C19orf18: variants seen among roughly 807,000 people sequenced by gnomAD.
C19orf18 encodes the protein uncharacterized protein C19orf18.
A neutral mutation model predicts 23.3 loss-of-function variants in C19orf18; 21 were observed. The observed-to-expected ratio is 0.90, with a 90% CI of 0.64 to 1.30. C19orf18 has a LOEUF of 1.30. Ranked by LOEUF, C19orf18 falls within the 50% of genes most tolerant of loss-of-function variation. The pLI is 0.00. For missense variants in C19orf18, 249 were observed against 259.6 expected (o/e 0.96, Z 0.28); for synonymous variants, 96 against 95.2 (o/e 1.01, Z -0.05).
At position 57,961,283 on chromosome 19, in the gene C19orf18, G is replaced by T. The variant is rs1446088136; in HGVS notation, c.532+108C>A. ...GGAAGGAAGAAAGAAAGAAAGGAAA[G>T]AAAGAAAGAAAAGAAATGCAAGCCA... On this transcript the variant is annotated intron_variant, in intron 5 of 5. Coordinates refer to ENST00000314391, the MANE Select transcript of C19orf18 (RefSeq NM_152474.5). The T allele has an allele frequency of 7.7e-6, 9 of 1,161,412 alleles. No homozygotes were observed. The African/African-American group carries it at 1.2e-4, about 16-fold the overall frequency. 71.9% of individuals were successfully genotyped at this position (1,161,412 alleles called of 1,614,324 possible).
At chr19:57,969,578 A>AAAAAAAAAAAAAAAAAC (rs1323363478) in intron 3 of C19orf18, among the ~76,000 whole-genome samples, 1 of 126,036 alleles carries the variant, frequency 7.9e-6, no homozygotes, top group African/African-American at 2.6e-5. Flanking sequence ...AAAAAAAAAA[A>AAAAAAAAAAAAAAAAAC]AAAAAAAAAA....
intron 4 of C19orf18, among the ~76,000 whole-genome samples, chr19:57,964,127 G>GT (rs1312123319): frequency 6.6e-6 from 1 of 152,076 alleles, no homozygotes; most frequent in Non-Finnish European, 1.5e-5. Context: ...CTATAGCTTA[G>GT]TGCTAATACA....
chr19:57,969,747 A>G (rs868418132), intron 3 of C19orf18, among the ~76,000 whole-genome samples: 2 of 151,744 alleles, frequency 1.3e-5, no homozygotes, highest in Non-Finnish European at 2.9e-5. Context: ...TCTCTGCTAA[A>G]AACACAAAAT....
At chr19:57,973,678 T>G (rs968769600) in intron 2 of C19orf18, among the ~76,000 whole-genome samples, 2 of 149,246 alleles carry the variant, frequency 1.3e-5, no homozygotes, top group African/African-American at 5.0e-5. Context: ...TGAGCCGAGA[T>G]CGCGCCACTG....
chr19:57,971,329 C>T (rs1055949046), intron 3 of C19orf18, among the ~76,000 whole-genome samples: 4 of 151,958 alleles, frequency 2.6e-5, no homozygotes, highest in Non-Finnish European at 5.9e-5. Context: ...CCCTCATGCT[C>T]CAGGCCACCA....
chr19:57,974,366 A>C lies in C19orf18; in HGVS notation c.67T>G (p.Cys23Gly), dbSNP rs568046960. 2 of 1,614,208 alleles carry C rather than the reference A, an allele frequency of 1.2e-6. No homozygotes were observed. The highest frequency in any genetic ancestry group is 4.5e-5 in the East Asian group (2 of 44,884). Residue 23 changes from cysteine (C) to glycine (G), a missense_variant, in exon 1 of 6, where the codon TGC (cysteine) becomes GGC (glycine). Transcript: ENST00000314391. ...LFLMECQLHL[C>G]LPYADGLHPT... The stretch of plus-strand genomic sequence containing the variant: ...TGGAGTCCATCTGCATACGGCAAGC[A>C]TAAATGAAGTTGGCATTCCATTAAA...
chr19:57,958,523 A>C lies in C19orf18; in HGVS notation c.*79T>G, dbSNP rs1226459657. On this transcript the variant is annotated 3_prime_UTR_variant, in exon 6 of 6. Transcript: ENST00000314391. The stretch of plus-strand genomic sequence containing the variant: ...CTCTTCCATAAGGTTCTCTGGGAGC[A>C]AGCCACGCCCACAGGCTCAGTCTCC... The C allele has an allele frequency of 1.1e-5, 10 of 921,314 alleles. No homozygotes were observed. Among genetic ancestry groups the C allele is most frequent in the Middle Eastern group, 2.1e-4 (1 of 4,672 alleles). 57.1% of individuals were successfully genotyped at this position (921,314 alleles called of 1,614,324 possible).
In C19orf18 at chr19:57,961,190, G is replaced by A. The variant is rs552095433; in HGVS notation, c.532+201C>T. 7.9e-5 allele frequency among the ~76,000 whole-genome samples: 12 copies of A among 151,576 alleles called. No individual in the cohort carries two copies. The East Asian group carries it at 1.4e-3, about 17-fold the overall frequency. ...GCGGAGCTTGCAGTGAGCAGAGATC[G>A]CGCCACTGCACTCCAGCCTGGGCTA... On this transcript the variant is annotated intron_variant, in intron 5 of 5. Coordinates refer to ENST00000314391, the MANE Select transcript of C19orf18 (RefSeq NM_152474.5).
intron 4 of C19orf18, among the ~76,000 whole-genome samples, chr19:57,962,425 T>A (rs2072879898): frequency 2.0e-5 from 3 of 152,212 alleles, no homozygotes. Flanking sequence ...TGGGTGTTAC[T>A]GATTTTTCTA....
intron 2 of C19orf18, among the ~76,000 whole-genome samples, chr19:57,972,946 G>A (rs776077651): frequency 2.6e-5 from 4 of 151,688 alleles, no homozygotes; most frequent in Admixed American, 6.6e-5. Context: ...TCAGGAGTTC[G>A]AGACCAGCCT....
chr19:57,970,792 T>A (rs868530158), intron 3 of C19orf18, among the ~76,000 whole-genome samples: 47 of 152,126 alleles, frequency 3.1e-4, no homozygotes, highest in African/African-American at 1.1e-3. Context: ...ACTCCTGACC[T>A]CAGGTGATCT....
intron 2 of C19orf18, among the ~76,000 whole-genome samples, chr19:57,972,922 G>A (rs1266773025): frequency 6.6e-6 from 1 of 151,774 alleles, no homozygotes; most frequent in Non-Finnish European, 1.5e-5. Flanking sequence ...CAGCGAGGAA[G>A]GCAGATCACG....
chr19:57,965,291 C>T (rs927561555), intron 4 of C19orf18, among the ~76,000 whole-genome samples: 6 of 152,068 alleles, frequency 3.9e-5, no homozygotes, highest in African/African-American at 7.2e-5. Context: ...CCCACCACTA[C>T]GCCCAGCTAA....
chr19:57,959,673 T>C (rs1361307219), intron 5 of C19orf18, among the ~76,000 whole-genome samples: 1 of 150,900 alleles, frequency 6.6e-6, no homozygotes, highest in Non-Finnish European at 1.5e-5. Context: ...ACATGCACCG[T>C]AGTCCCAGCA....
At chr19:57,967,459 A>AAC (rs1291925108) in intron 3 of C19orf18, among the ~76,000 whole-genome samples, 1 of 152,172 alleles carries the variant, frequency 6.6e-6, no homozygotes, top group South Asian at 2.1e-4. Context: ...GTGGCTTAGA[A>AAC]ACAACAGACA....
At chr19:57,969,734 C>T (rs1324273226) in intron 3 of C19orf18, among the ~76,000 whole-genome samples, 1 of 151,586 alleles carries the variant, frequency 6.6e-6, no homozygotes, top group Non-Finnish European at 1.5e-5. Flanking sequence ...TGGTGAAACC[C>T]CATCTCTGCT....
chr19:57,967,148 A>C (rs145036273), intron 3 of C19orf18, among the ~76,000 whole-genome samples: 1 of 152,104 alleles, frequency 6.6e-6, no homozygotes, highest in African/African-American at 2.4e-5. Context: ...AGAGGTCACT[A>C]GAGACCTGGG....
chr19:57,962,788 C>T lies in C19orf18; in HGVS notation c.372-1237G>A, dbSNP rs142897888. ...AGGAGAATCACTTGAACCTGGGAGG[C>T]GGAGGTTGCAATGAGCTGAGATGGT... On this transcript the variant is annotated intron_variant, in intron 4 of 5. Transcript: ENST00000314391. Among the ~76,000 whole-genome samples the T allele has an allele frequency of 9.2e-3, 1,388 of 150,996 alleles. 30 individuals are homozygous for T. The highest frequency in any genetic ancestry group is 0.032 in the African/African-American group (1,336 of 41,200).
rs996023478 is a variant in C19orf18, at chr19:57,965,431, G to A, written c.371+1099C>T. Among the ~76,000 whole-genome samples, 7 of 152,040 alleles carry A rather than the reference G, an allele frequency of 4.6e-5. No homozygotes were observed. In the South Asian group the frequency reaches 8.3e-4, roughly 18 times the overall value. On this transcript the variant is annotated intron_variant, in intron 4 of 5. Coordinates refer to ENST00000314391, the MANE Select transcript of C19orf18 (RefSeq NM_152474.5). ...ATTACAGGCATGAGCCACCACACCC[G>A]GCCTCAAGTTTATTTTAAAATACCA... is the stretch of plus-strand genomic sequence containing the variant.
Sources: allele counts gnomAD v4.1 joint callset (sites outside exome capture counted in the v4.1 genomes callset), GRCh38; gene constraint gnomAD v4.1.1; transcripts MANE v1.5; gene names NCBI Gene and HGNC (gene_info 2026-07-23, HGNC 2026-07-21).